The following PRR16 variants were observed in gnomAD, a reference collection of about 807,000 sequenced individuals.
PRR16 encodes protein Largen.
In PRR16, 6 loss-of-function variants were observed where a neutral mutation model predicts 18.2. The ratio of observed to expected loss-of-function variants is 0.33; its 90% CI spans 0.18 to 0.65. The LOEUF is 0.65. Among genes scored for constraint, PRR16 ranks in the 30% least tolerant of loss-of-function variants. PRR16 has a pLI of 0.74. For synonymous variants in PRR16, 151 were observed against 147.8 expected, an observed-to-expected ratio of 1.02 and a Z score of -0.16; for missense variants, 412 against 376.6, an observed-to-expected ratio of 1.09 and a Z score of -0.78.
the PRR16 span, among the ~76,000 whole-genome samples, chr5:120,722,363 G>C: frequency 6.6e-6 from 1 of 151,950 alleles, no homozygotes; most frequent in Non-Finnish European, 1.5e-5. Flanking sequence ...TAAATATGGG[G>C]TAAGGTCCTG....
chr5:120,717,871 T>G, the PRR16 span, among the ~76,000 whole-genome samples: 1 of 152,176 alleles, frequency 6.6e-6, no homozygotes, highest in Non-Finnish European at 1.5e-5. Context: ...AATATCCGAA[T>G]CTAAATAGAA....
At chr5:120,598,396 T>C (rs925707970) in intron 1 of PRR16, among the ~76,000 whole-genome samples, 14 of 151,940 alleles carry the variant, frequency 9.2e-5, no homozygotes, top group African/African-American at 3.4e-4. Flanking sequence ...CTTTTTCTTA[T>C]GCAAAAGGAT....
intron 1 of PRR16, among the ~76,000 whole-genome samples, chr5:120,591,744 A>G (rs1334741555): frequency 2.0e-5 from 3 of 152,066 alleles, no homozygotes; most frequent in East Asian, 3.8e-4. Context: ...GTTGATTTCA[A>G]TTTTCAGAAT....
intron 1 of PRR16, 77 bp downstream of exon 1, chr5:120,464,722 G>A: frequency 7.1e-7 from 1 of 1,398,666 alleles, no homozygotes; most frequent in Non-Finnish European, 9.4e-7. Flanking sequence ...TTTCAGCAGG[G>A]ACAGCCAGAT....
the PRR16 span, among the ~76,000 whole-genome samples, chr5:120,728,326 T>C: frequency 4.7e-5 from 1 of 21,226 alleles, no homozygotes; most frequent in Non-Finnish European, 7.0e-5. Flanking sequence ...AAAAATAACC[T>C]TTTTTTTTTT....
the PRR16 span, among the ~76,000 whole-genome samples, chr5:120,776,617 A>G: frequency 1.3e-5 from 2 of 152,168 alleles, no homozygotes; most frequent in Non-Finnish European, 2.9e-5. Flanking sequence ...TTTCATGTAT[A>G]GAATACAATA....
chr5:120,657,496 T>C (rs1056220328), intron 1 of PRR16, among the ~76,000 whole-genome samples: 3 of 151,830 alleles, frequency 2.0e-5, no homozygotes, highest in Non-Finnish European at 4.4e-5. Context: ...ACATTGGGGA[T>C]TTTTTTACCC....
downstream of PRR16, among the ~76,000 whole-genome samples, chr5:120,688,325 A>G (rs1311148506): frequency 6.6e-6 from 1 of 152,218 alleles, no homozygotes; most frequent in East Asian, 1.9e-4. Context: ...GTTATGTTTC[A>G]TAGGTGTTGG....
the PRR16 span, among the ~76,000 whole-genome samples, chr5:120,775,965 C>G: frequency 6.6e-6 from 1 of 151,694 alleles, no homozygotes; most frequent in Non-Finnish European, 1.5e-5. Context: ...TAAATCTAAC[C>G]AGCTTACTTT....
At chr5:120,767,550 G>T in the PRR16 span, among the ~76,000 whole-genome samples, 3 of 151,830 alleles carry the variant, frequency 2.0e-5, no homozygotes, top group African/African-American at 7.2e-5. Context: ...AAGAGTCAAA[G>T]ATTTTTTGTC....
At chr5:120,562,157 T>A (rs186375813) in intron 1 of PRR16, among the ~76,000 whole-genome samples, 4 of 152,296 alleles carry the variant, frequency 2.6e-5, no homozygotes, top group Admixed American at 2.6e-4. Context: ...TATCTGTGTG[T>A]TCCAGTGTTG....
Position 120,598,093 on chromosome 5 carries a change from A to T in PRR16, c.160-87861A>T, listed in dbSNP as rs535338576. The stretch of plus-strand genomic sequence containing the variant: ...TGAAGATCTACCTCATCATTAAAAA[A>T]TACTTTTTTGTTAGTTTATGTATAG... On this transcript the variant is annotated intron_variant, in intron 1 of 1. Coordinates refer to ENST00000407149, the MANE Select transcript of PRR16 (RefSeq NM_001300783.2). 9.9e-5 allele frequency among the ~76,000 whole-genome samples: 15 copies of T among 152,010 alleles called. No homozygotes were observed. The East Asian group carries it at 2.5e-3, about 25-fold the overall frequency.
chr5:120,602,559 T>C (rs999738541), intron 1 of PRR16, among the ~76,000 whole-genome samples: 3 of 152,146 alleles, frequency 2.0e-5, no homozygotes, highest in African/African-American at 7.2e-5. Flanking sequence ...CATTTATTTC[T>C]TTCTCTTGTC....
intron 1 of PRR16, among the ~76,000 whole-genome samples, chr5:120,504,550 A>G (rs1750577573): frequency 6.6e-6 from 1 of 152,258 alleles, no homozygotes; most frequent in Non-Finnish European, 1.5e-5. Context: ...AGTAGTTCCA[A>G]TTTAAAAAGA....
intron 1 of PRR16, among the ~76,000 whole-genome samples, chr5:120,493,677 C>T (rs1050042492): frequency 2.0e-5 from 3 of 152,144 alleles, no homozygotes; most frequent in Non-Finnish European, 2.9e-5. Flanking sequence ...CAGCTATACC[C>T]ACTTCTCTAC....
chr5:120,495,496 T>G (rs1750214738), intron 1 of PRR16, among the ~76,000 whole-genome samples: 1 of 152,146 alleles, frequency 6.6e-6, no homozygotes, highest in South Asian at 2.1e-4. Flanking sequence ...CAATATCACT[T>G]CATTCATGTG....
At chr5:120,772,483 C>G in the PRR16 span, among the ~76,000 whole-genome samples, 2 of 151,710 alleles carry the variant, frequency 1.3e-5, no homozygotes, top group African/African-American at 4.8e-5. Flanking sequence ...TGAGATATAC[C>G]GTTAATGTAA....
chr5:120,725,834 A>C, the PRR16 span, among the ~76,000 whole-genome samples: 1 of 152,068 alleles, frequency 6.6e-6, no homozygotes, highest in Non-Finnish European at 1.5e-5. Flanking sequence ...ATTTTTCTTA[A>C]ATGAATTAAT....
chr5:120,565,224 C>G (rs1195532956), intron 1 of PRR16, among the ~76,000 whole-genome samples: 1 of 152,034 alleles, frequency 6.6e-6, no homozygotes, highest in Non-Finnish European at 1.5e-5. Flanking sequence ...TGATGATCCA[C>G]TTATATGCAT....
Sources: allele counts gnomAD v4.1 joint callset (sites outside exome capture counted in the v4.1 genomes callset), GRCh38; gene constraint gnomAD v4.1.1; transcripts MANE v1.5; gene names NCBI Gene and HGNC (gene_info 2026-07-23, HGNC 2026-07-21).